Variants in COL21A1 observed in about 807,000 individuals in gnomAD.
COL21A1 encodes collagen alpha-1(XXI) chain.
Under a neutral mutation model 137.9 loss-of-function variants are expected in COL21A1, and 149 were observed. That is an observed-to-expected ratio of 1.08 (90% CI 0.95 to 1.24). The LOEUF is 1.24. Ranked by LOEUF, COL21A1 falls within the 50% of genes most tolerant of loss-of-function variation. COL21A1 has a pLI of 0.00. For synonymous variants in COL21A1, 456 were observed against 391.5 expected (o/e 1.16, Z -1.95); for missense variants, 1,167 against 1,158.4 (o/e 1.01, Z -0.11).
intron 9 of COL21A1, 28 bp downstream of exon 9, chr6:56,164,395 C>A: frequency 6.9e-7 from 1 of 1,456,684 alleles, no homozygotes; most frequent in Non-Finnish European, 9.5e-7. Context: ...TGTGTTTTAA[C>A]AAAAACAGCA....
At chr6:56,097,838 A>AATATATAAAT (rs1251086566) in intron 17 of COL21A1, among the ~76,000 whole-genome samples, 1 of 39,578 alleles carries the variant, frequency 2.5e-5, no homozygotes, top group Admixed American at 3.2e-4. Context: ...AATATATATA[A>AATATATAAAT]ATATATAAAT....
chr6:56,352,078 G>A (rs1765722718), intron 1 of COL21A1, among the ~76,000 whole-genome samples: 1 of 152,022 alleles, frequency 6.6e-6, no homozygotes, highest in Non-Finnish European at 1.5e-5. Flanking sequence ...AGACAGCCTG[G>A]GAAACATAGT....
chr6:56,071,603 A>C (rs1489300442), intron 20 of COL21A1, among the ~76,000 whole-genome samples: 2 of 151,544 alleles, frequency 1.3e-5, no homozygotes, highest in Non-Finnish European at 3.0e-5. Flanking sequence ...GCTTTTAAAA[A>C]AGTTTTGTAG....
intron 1 of COL21A1, among the ~76,000 whole-genome samples, chr6:56,342,351 T>A (rs937982022): frequency 6.6e-6 from 1 of 152,192 alleles, no homozygotes; most frequent in Non-Finnish European, 1.5e-5. Context: ...ACAGACCATG[T>A]AAGTGATTGT....
In COL21A1 at chr6:56,058,661, T is replaced by C. The variant is rs183671081; in HGVS notation, c.2686+504A>G. On this transcript the variant is annotated intron_variant, in intron 29 of 29. Coordinates refer to ENST00000244728, the MANE Select transcript of COL21A1 (RefSeq NM_030820.4). ...ATAACATCTAATCATAGCATACATT[T>C]ATTGAAAACATAACTGTGATTGTCT... 4.1e-4 allele frequency among the ~76,000 whole-genome samples: 62 copies of C among 152,314 alleles called. 1 individual carries two copies. The East Asian group carries it at 0.011, about 27-fold the overall frequency.
chr6:56,074,053 C>CT (rs1276077103), intron 20 of COL21A1, among the ~76,000 whole-genome samples, 179 bp downstream of exon 20: 2 of 151,338 alleles, frequency 1.3e-5, no homozygotes, highest in African/African-American at 4.8e-5. Flanking sequence ...ATGAGCTTTA[C>CT]TTTAGCCTGT....
intron 1 of COL21A1, among the ~76,000 whole-genome samples, chr6:56,209,110 A>G (rs953410419): frequency 3.3e-5 from 5 of 152,178 alleles, no homozygotes; most frequent in African/African-American, 1.2e-4. Context: ...GGACATAGGC[A>G]TCTTATATAA....
At chr6:56,123,324 T>C (rs1469384541) in intron 16 of COL21A1, among the ~76,000 whole-genome samples, 1 of 152,214 alleles carries the variant, frequency 6.6e-6, no homozygotes, top group Non-Finnish European at 1.5e-5. Context: ...AAGTATACTC[T>C]TCGAAGAATC....
At chr6:56,125,072 G>GT (rs1459532811) in intron 14 of COL21A1, among the ~76,000 whole-genome samples, 1 of 128,612 alleles carries the variant, frequency 7.8e-6, no homozygotes, top group Non-Finnish European at 1.6e-5. Flanking sequence ...GCAGGCTGGA[G>GT]TGCAGTGGCG....
At chr6:56,391,403 A>T (rs540186036) in intron 1 of COL21A1, among the ~76,000 whole-genome samples, 1 of 152,250 alleles carries the variant, frequency 6.6e-6, no homozygotes, top group East Asian at 1.9e-4. Context: ...AGCAAAGCAA[A>T]TCAAATTCAA....
At chr6:56,149,135 A>G (rs1048139397) in intron 10 of COL21A1, among the ~76,000 whole-genome samples, 10 of 152,226 alleles carry the variant, frequency 6.6e-5, no homozygotes, top group African/African-American at 2.4e-4. Context: ...TTCACTGTAA[A>G]TAGCTCATTT....
intron 1 of COL21A1, among the ~76,000 whole-genome samples, chr6:56,241,867 C>G (rs1398963245): frequency 6.6e-6 from 1 of 152,092 alleles, no homozygotes; most frequent in Non-Finnish European, 1.5e-5. Context: ...AAGGTATTTA[C>G]AAAATATTTT....
At chr6:56,113,782 C>T (rs998461422) in intron 16 of COL21A1, among the ~76,000 whole-genome samples, 10 of 152,134 alleles carry the variant, frequency 6.6e-5, no homozygotes, top group Non-Finnish European at 1.5e-4. Flanking sequence ...TTCCAGGACT[C>T]GACTCTTAGA....
chr6:56,066,798 T>G (rs1033230296), intron 23 of COL21A1, among the ~76,000 whole-genome samples: 2 of 151,686 alleles, frequency 1.3e-5, no homozygotes, highest in African/African-American at 4.8e-5. Flanking sequence ...AAACTAAATA[T>G]CTTTCTAAAT....
At chr6:56,286,331 ACT>A (rs1763912635) in intron 1 of COL21A1, among the ~76,000 whole-genome samples, 1 of 152,202 alleles carries the variant, frequency 6.6e-6, no homozygotes, top group African/African-American at 2.4e-5. Context: ...ATGTGAACAC[ACT>A]CACACATGCA....
rs548056277 is a variant in COL21A1, at chr6:56,376,629, C to A, written c.-39+17342G>T. Among the ~76,000 whole-genome samples, 6 of 145,510 alleles carry A rather than the reference C, an allele frequency of 4.1e-5. No homozygotes were observed. In the South Asian group the frequency reaches 1.3e-3, roughly 30 times the overall value. On this transcript the variant is annotated intron_variant, in intron 1 of 28. Coordinates refer to the COL21A1 transcript ENST00000370819. ...AAGTAAGGCTAAGTAGATATCTAGA[C>A]AAATCTTTTAGAGATAGGGGAGAAG... is the stretch of plus-strand genomic sequence containing the variant.
chr6:56,261,473 T>C (rs75786050), intron 1 of COL21A1, among the ~76,000 whole-genome samples: 2,370 of 152,232 alleles, frequency 0.016, 62 homozygotes, highest in African/African-American at 0.054. Flanking sequence ...TGAATGGGAT[T>C]AGTGCCCACC....
chr6:56,323,452 C>T (rs1764923993), intron 1 of COL21A1, among the ~76,000 whole-genome samples: 2 of 152,282 alleles, frequency 1.3e-5, no homozygotes, highest in South Asian at 2.1e-4. Context: ...TGCAATGGCA[C>T]AATCTCAGCT....
In COL21A1 at chr6:56,289,683, C is replaced by T. The variant is rs117514842; in HGVS notation, c.-39+104288G>A. 6.0e-4 allele frequency among the ~76,000 whole-genome samples: 91 copies of T among 152,222 alleles called. No homozygotes were observed. In the East Asian group the frequency reaches 0.012, roughly 20 times the overall value. Reference sequence around the variant, plus strand: ...AATATGTGTTCTGAGCTAGGGAATCCGGGAATACCAACCTGGAGAGTCATT... The same window carrying T: ...AATATGTGTTCTGAGCTAGGGAATCTGGGAATACCAACCTGGAGAGTCATT... On this transcript the variant is annotated intron_variant, in intron 1 of 28. Coordinates refer to the COL21A1 transcript ENST00000370819.
Sources: allele counts gnomAD v4.1 joint callset (sites outside exome capture counted in the v4.1 genomes callset), GRCh38; gene constraint gnomAD v4.1.1; transcripts MANE v1.5; gene names NCBI Gene and HGNC (gene_info 2026-07-23, HGNC 2026-07-21).